Variants in RNF145 observed in about 807,000 individuals in gnomAD.
The protein encoded by RNF145 is ring finger protein 145.
In RNF145, 12 loss-of-function variants were observed where a neutral mutation model predicts 57.3. The ratio of observed to expected loss-of-function variants is 0.21; its 90% CI spans 0.13 to 0.34. The LOEUF is 0.34. Ranked by LOEUF, RNF145 falls within the 10% of genes least tolerant of loss-of-function variation. RNF145 has a pLI of 1.00. For synonymous variants in RNF145, 262 were observed against 288.3 expected (o/e 0.91, Z 0.92); for missense variants, 429 against 799.0 (o/e 0.54, Z 5.58).
intron 10 of RNF145, 57 bp downstream of exon 10, chr5:159,161,209 A>G (rs1257976580): frequency 9.5e-7 from 1 of 1,057,224 alleles, no homozygotes; most frequent in Admixed American, 2.5e-5. Context: ...ATATGGTTAC[A>G]GTCCCAAGGG....
At chr5:159,209,577 A>C (rs1028369554), upstream of RNF145, 1 of 1,018,264 alleles carries the variant, frequency 9.8e-7, no homozygotes, top group Non-Finnish European at 1.2e-6. Context: ...CGACTTCCGC[A>C]CTCTGCGCCT....
At chr5:159,199,155 A>C (rs1337687673) in intron 2 of RNF145, among the ~76,000 whole-genome samples, 1 of 152,196 alleles carries the variant, frequency 6.6e-6, no homozygotes, top group Non-Finnish European at 1.5e-5. Context: ...TATGGTAGAG[A>C]TGTGAACTGG....
At chr5:159,167,948 T>C (rs185695434) in intron 8 of RNF145, among the ~76,000 whole-genome samples, 3 of 152,308 alleles carry the variant, frequency 2.0e-5, no homozygotes, top group Admixed American at 2.0e-4. Flanking sequence ...AGATTAGCTG[T>C]TCCCTTACTA....
At position 159,168,958 on chromosome 5, in the gene RNF145, G is replaced by T; in HGVS notation, c.1036C>A (p.Leu346Ile). Residue 346 changes from leucine to isoleucine, a missense_variant, in exon 8 of 11, where the codon CTT becomes ATT. By Grantham distance (5) the Leu-to-Ile change is conservative (BLOSUM62 2). Around this residue, in one of 4 missense-constraint regions of RNF145, gnomAD observed 216 missense variants for 457.6 expected, o/e 0.47. Coordinates refer to ENST00000424310, the MANE Select transcript of RNF145 (RefSeq NM_001199383.2). Reference protein sequence around the residue: ...VHRAFLLSIILFIVVASILQS... With the variant: ...VHRAFLLSIIIFIVVASILQS... ...AGGATAGAAGCTACGACAATGAAAA[G>T]GATAATACTGAGCAAGAATGCCCGA... 6.2e-7 allele frequency: 1 copy of T among 1,610,350 alleles called. No individual in the cohort carries two copies. Among genetic ancestry groups the T allele is most frequent in the Non-Finnish European group, 8.5e-7 (1 of 1,179,066 alleles).
intron 4 of RNF145, among the ~76,000 whole-genome samples, chr5:159,181,149 T>C (rs1370615154): frequency 2.0e-5 from 3 of 151,654 alleles, no homozygotes; most frequent in African/African-American, 4.8e-5. Context: ...AAAAAGTTTT[T>C]TAATGTAAGA....
chr5:159,202,774 GATC>G (rs1185198626), intron 2 of RNF145, among the ~76,000 whole-genome samples: 1 of 151,880 alleles, frequency 6.6e-6, no homozygotes, highest in East Asian at 1.9e-4. Context: ...AAAAAGTAAG[GATC>G]ATGATTTTTA....
Position 159,203,633 on chromosome 5 carries a change from C to G in RNF145, c.-16G>C. The G allele has an allele frequency of 4.3e-6, 5 of 1,160,814 alleles. No homozygotes were observed. Among genetic ancestry groups the G allele is most frequent in the Non-Finnish European group, 5.9e-6 (5 of 844,176 alleles). The allele number at this position is 1,160,814 out of a possible 1,614,324, so 71.9% of individuals were successfully genotyped here. Reference sequence around the variant, plus strand: ...TTGCAGCCATGTTGTTTTTTTTTTTCTTTTTTTTTTTCTTGGAGAAGACCT... The same window carrying G: ...TTGCAGCCATGTTGTTTTTTTTTTTGTTTTTTTTTTTCTTGGAGAAGACCT... On this transcript the variant is annotated 5_prime_UTR_variant, in exon 2 of 11. Coordinates refer to ENST00000424310, the MANE Select transcript of RNF145 (RefSeq NM_001199383.2).
At chr5:159,193,080 G>A (rs1785341523) in intron 3 of RNF145, among the ~76,000 whole-genome samples, 1 of 152,128 alleles carries the variant, frequency 6.6e-6, no homozygotes, top group South Asian at 2.1e-4. Flanking sequence ...ATTGGTGCTT[G>A]GACTCCTAGT....
chr5:159,181,892 C>A, intron 4 of RNF145, 68 bp downstream of exon 4: 3 of 865,076 alleles, frequency 3.5e-6, no homozygotes, highest in South Asian at 1.5e-5. Flanking sequence ...AATGAGTATG[C>A]ATGAATTTTA....
At chr5:159,173,262 A>G (rs1784613016) in intron 6 of RNF145, among the ~76,000 whole-genome samples, 1 of 152,100 alleles carries the variant, frequency 6.6e-6, no homozygotes, top group South Asian at 2.1e-4. Flanking sequence ...TTTAAAGCTC[A>G]TCAGCTATCG....
chr5:159,208,050 G>A (rs1365607387), intron 1 of RNF145: 3 of 1,511,480 alleles, frequency 2.0e-6, no homozygotes, highest in Non-Finnish European at 2.6e-6. Context: ...CTTTACTGCA[G>A]ACTGCGACGC....
At chr5:159,161,889 T>G (rs140347447) in intron 9 of RNF145, among the ~76,000 whole-genome samples, 14 of 152,310 alleles carry the variant, frequency 9.2e-5, no homozygotes, top group Non-Finnish European at 2.1e-4. Flanking sequence ...CTAAAATGAT[T>G]CTGATGAGTA....
chr5:159,191,732 C>A (rs1177459758), intron 3 of RNF145, among the ~76,000 whole-genome samples: 2 of 152,016 alleles, frequency 1.3e-5, no homozygotes, highest in Non-Finnish European at 2.9e-5. Context: ...GCAGAGGTTG[C>A]AGTGAGCCGA....
intron 4 of RNF145, among the ~76,000 whole-genome samples, chr5:159,181,755 A>C (rs530980141): frequency 6.6e-6 from 1 of 152,126 alleles, no homozygotes; most frequent in South Asian, 2.1e-4. Context: ...CACTATGTAC[A>C]ATATGACTAT....
At chr5:159,180,114 G>A (rs1431022272) in intron 4 of RNF145, among the ~76,000 whole-genome samples, 1 of 152,044 alleles carries the variant, frequency 6.6e-6, no homozygotes, top group Non-Finnish European at 1.5e-5. Flanking sequence ...GAAGGAGAGG[G>A]AGGGAAGTAG....
At chr5:159,165,067 T>G (rs1182712890) in intron 8 of RNF145, among the ~76,000 whole-genome samples, 2 of 152,086 alleles carry the variant, frequency 1.3e-5, no homozygotes, top group African/African-American at 4.8e-5. Context: ...TCACAATCCT[T>G]GATTGACGAT....
rs746503154 is a variant in RNF145 at position 159,176,877 on chromosome 5, GGAATA to G, written c.386-15_386-11del. The stretch of plus-strand genomic sequence containing the variant: ...CACACCACCAACTGACCTAAAATAG[GGAATA>G]GAATACATTTAATTTTGAGTATTTG... On this transcript the variant is annotated splice_polypyrimidine_tract_variant and intron_variant, in intron 4 of 10. Coordinates refer to ENST00000424310, the MANE Select transcript of RNF145 (RefSeq NM_001199383.2). 4 of 1,502,318 alleles carry G rather than the reference GGAATA, an allele frequency of 2.7e-6. No homozygotes were observed. The highest frequency in any genetic ancestry group is 3.7e-6 in the Non-Finnish European group (4 of 1,090,832). 93.1% of individuals were successfully genotyped at this position (1,502,318 alleles called of 1,614,324 possible). A position where few individuals can be genotyped will look rare whatever the true frequency, so the allele number is the denominator to read the frequency against.
chr5:159,190,355 A>G (rs1785245429), intron 3 of RNF145, among the ~76,000 whole-genome samples: 1 of 152,038 alleles, frequency 6.6e-6, no homozygotes, highest in South Asian at 2.1e-4. Flanking sequence ...TACTTTAATC[A>G]GGTATGTGAC....
chr5:159,160,251 C>T (rs111701924), intron 10 of RNF145, among the ~76,000 whole-genome samples: 5 of 152,168 alleles, frequency 3.3e-5, no homozygotes, highest in African/African-American at 1.2e-4. Flanking sequence ...AGGCAGGAAC[C>T]CTACATTACT....
Sources: allele counts gnomAD v4.1 joint callset (sites outside exome capture counted in the v4.1 genomes callset), GRCh38; gene constraint gnomAD v4.1.1; regional missense constraint gnomAD v4.1.1; transcripts MANE v1.5; gene names NCBI Gene and HGNC (gene_info 2026-07-23, HGNC 2026-07-21).